The following TBC1D14 variants were observed in gnomAD, a reference collection of about 807,000 sequenced individuals.
The protein encoded by TBC1D14 is TBC1 domain family, member 14.
TBC1D14 carries 26 observed loss-of-function variants against 79.0 expected under a neutral mutation model. That is an observed-to-expected ratio of 0.33 (90% CI 0.24 to 0.46). The LOEUF (loss-of-function observed/expected upper bound fraction) is 0.46. Among genes scored for constraint, TBC1D14 ranks in the 20% least tolerant of loss-of-function variants. TBC1D14 has a pLI of 1.00. For missense variants in TBC1D14, 769 were observed against 887.6 expected, an observed-to-expected ratio of 0.87 and a Z score of 1.70; for synonymous variants, 394 against 349.9, an observed-to-expected ratio of 1.13 and a Z score of -1.40.
chr4:6,999,518 C>T (rs373359891), intron 6 of TBC1D14, among the ~76,000 whole-genome samples: 40 of 152,290 alleles, frequency 2.6e-4, no homozygotes, highest in African/African-American at 9.6e-4. Context: ...GAACCCTTAG[C>T]AGGCAACACC....
chr4:6,971,426 G>A (rs1441974628), intron 3 of TBC1D14, among the ~76,000 whole-genome samples: 3 of 152,130 alleles, frequency 2.0e-5, no homozygotes, highest in African/African-American at 4.8e-5. Context: ...CCAGTACATC[G>A]GATTTTATTC....
At chr4:7,006,791 GTA>G in intron 9 of TBC1D14, 65 bp downstream of exon 9, 1 of 1,477,666 alleles carries the variant, frequency 6.8e-7, no homozygotes, top group Non-Finnish European at 9.3e-7. Context: ...GCTGAACTGT[GTA>G]TATTTGTTGT....
intron 3 of TBC1D14, among the ~76,000 whole-genome samples, chr4:6,980,521 T>G (rs1717267425): frequency 6.6e-6 from 1 of 151,968 alleles, no homozygotes; most frequent in Non-Finnish European, 1.5e-5. Context: ...AAGCAAGTAA[T>G]AAGTGTGAGA....
rs1259350469 is a variant in TBC1D14, at chr4:6,994,237, T to C, written c.897T>C (p.Asn299=). ...GCAAGCCACCCTCTCCAAAGCAGAA[T>C]GTGAGGAAGAATCTTGACTTTGAAC... The part of the protein sequence containing the change: ...RPSKPPSPKQ[N]VRKNLDFEPL... Residue 299 remains asparagine, a synonymous_variant, in exon 4 of 14, where the codon AAT becomes AAC. Transcript: ENST00000409757. 1 of 1,614,178 alleles carries C rather than the reference T, an allele frequency of 6.2e-7. No individual in the cohort carries two copies.
intron 3 of TBC1D14, among the ~76,000 whole-genome samples, chr4:6,970,394 G>A (rs980809960): frequency 6.6e-6 from 1 of 152,202 alleles, no homozygotes; most frequent in Non-Finnish European, 1.5e-5. Context: ...AGGATTAAAC[G>A]GGTGAATACA....
chr4:6,957,738 C>A (rs950834421), intron 2 of TBC1D14, among the ~76,000 whole-genome samples: 4 of 152,044 alleles, frequency 2.6e-5, no homozygotes, highest in Admixed American at 2.6e-4. Context: ...ATGGTGAGAC[C>A]CTGTTTCTAC....
At chr4:6,958,729 C>T (rs1714903139) in intron 2 of TBC1D14, among the ~76,000 whole-genome samples, 1 of 152,196 alleles carries the variant, frequency 6.6e-6, no homozygotes. Context: ...GCCACTGGGC[C>T]TGGCTTGAAC....
chr4:6,942,877 G>T (rs1449494414), intron 2 of TBC1D14, among the ~76,000 whole-genome samples: 1 of 152,202 alleles, frequency 6.6e-6, no homozygotes, highest in African/African-American at 2.4e-5. Flanking sequence ...ATCCCTTTTA[G>T]AGGTTCGTTT....
intron 2 of TBC1D14, among the ~76,000 whole-genome samples, chr4:6,958,288 G>A (rs1042594816): frequency 1.3e-5 from 2 of 151,918 alleles, no homozygotes; most frequent in Non-Finnish European, 2.9e-5. Flanking sequence ...ACTGGGGGTC[G>A]AGGGGGTTAT....
chr4:6,958,374 T>TACACACACACACACACACACACAC (rs529020444), intron 2 of TBC1D14, among the ~76,000 whole-genome samples: 10 of 42,252 alleles, frequency 2.4e-4, no homozygotes, highest in African/African-American at 1.0e-3. Context: ...GATCCCCACA[T>TACACACACACACACACACACACAC]ATACACACAC....
At chr4:6,952,442 C>T (rs1714128663) in intron 2 of TBC1D14, among the ~76,000 whole-genome samples, 1 of 152,354 alleles carries the variant, frequency 6.6e-6, no homozygotes, top group East Asian at 1.9e-4. Flanking sequence ...TTCATCCCCT[C>T]TGGTCCCCTG....
At chr4:7,010,848 T>C in intron 11 of TBC1D14, 67 bp downstream of exon 11, 1 of 1,541,444 alleles carries the variant, frequency 6.5e-7, no homozygotes, top group South Asian at 1.2e-5. Context: ...CTTACTCGTC[T>C]GTGTTTTCGG....
At chr4:6,918,500 C>T (rs946697260) in intron 1 of TBC1D14, among the ~76,000 whole-genome samples, 2 of 152,220 alleles carry the variant, frequency 1.3e-5, no homozygotes, top group Non-Finnish European at 1.5e-5. Flanking sequence ...CCAATGCCTT[C>T]AGCAGACCTT....
chr4:6,959,582 G>A (rs746340877), intron 2 of TBC1D14, among the ~76,000 whole-genome samples: 3 of 152,214 alleles, frequency 2.0e-5, no homozygotes, highest in Non-Finnish European at 2.9e-5. Flanking sequence ...TGCTGAGTGA[G>A]TGGGAACAAG....
intron 2 of TBC1D14, among the ~76,000 whole-genome samples, chr4:6,964,410 C>T (rs1715519540): frequency 6.6e-6 from 1 of 152,214 alleles, no homozygotes; most frequent in South Asian, 2.1e-4. Flanking sequence ...CTGGTGCCTT[C>T]CCCTTCCTGA....
intron 13 of TBC1D14, among the ~76,000 whole-genome samples, chr4:7,027,285 A>C (rs1186006290): frequency 2.1e-5 from 1 of 46,648 alleles, no homozygotes; most frequent in African/African-American, 8.5e-5. Context: ...GCATATACAT[A>C]TGTCACCCCC....
intron 13 of TBC1D14, among the ~76,000 whole-genome samples, chr4:7,028,019 C>T (rs147008048): frequency 1.6e-4 from 24 of 145,858 alleles, no homozygotes; most frequent in African/African-American, 5.6e-4. Context: ...CACACACACC[C>T]ACACATACAT....
intron 12 of TBC1D14, among the ~76,000 whole-genome samples, chr4:7,024,057 G>A (rs1021386457): frequency 1.3e-5 from 2 of 152,184 alleles, no homozygotes; most frequent in African/African-American, 4.8e-5. Flanking sequence ...CATGTCCTCG[G>A]GACCTGGAGG....
intron 2 of TBC1D14, among the ~76,000 whole-genome samples, chr4:6,942,514 C>T (rs1577065636): frequency 6.6e-6 from 1 of 152,332 alleles, no homozygotes; most frequent in Non-Finnish European, 1.5e-5. Context: ...CCTGTTCATT[C>T]CCCCTTGCCT....
Sources: gnomAD v4.1 joint callset for allele counts (sites outside exome capture counted in the v4.1 genomes callset) on GRCh38, gnomAD v4.1.1 for gene constraint, MANE v1.5 for transcripts, NCBI Gene and HGNC (gene_info 2026-07-23, HGNC 2026-07-21) for gene names.